Variants in FRMPD4 observed in about 807,000 individuals in gnomAD.
FRMPD4 encodes FERM and PDZ domain-containing protein 4.
FRMPD4 carries 22 observed loss-of-function variants against 94.1 expected under a neutral mutation model. That is an observed-to-expected ratio of 0.23 (90% CI 0.17 to 0.33). The LOEUF is 0.33. Among genes scored for constraint, FRMPD4 ranks in the 10% least tolerant of loss-of-function variants. FRMPD4 has a pLI of 1.00. For missense variants in FRMPD4, 1,111 were observed against 1,339.9 expected (o/e 0.83, Z 2.67); for synonymous variants, 631 against 548.6 (o/e 1.15, Z -2.10).
chrX:12,315,148 A>C (rs1013609158), intron 1 of FRMPD4, among the ~76,000 whole-genome samples: 1 of 112,181 alleles, frequency 8.9e-6, no homozygotes, highest in Non-Finnish European at 1.9e-5. Flanking sequence ...TCTAGATTTA[A>C]CAGTTATAAA....
At chrX:12,355,193 T>TTA (rs1555955648) in intron 1 of FRMPD4, among the ~76,000 whole-genome samples, 1 of 109,540 alleles carries the variant, frequency 9.1e-6, no homozygotes, top group Admixed American at 9.7e-5. Flanking sequence ...TTTTTTTTTT[T>TTA]TATATAAGAT....
chrX:12,005,996 T>C (rs1251659352), intron 3 of FRMPD4, among the ~76,000 whole-genome samples: 7 of 107,781 alleles, frequency 6.5e-5, no homozygotes. Flanking sequence ...GAGAAAATTT[T>C]CAGGCTTTAA....
At chrX:11,963,210 G>A (rs1225054634) in intron 3 of FRMPD4, among the ~76,000 whole-genome samples, 1 of 112,378 alleles carries the variant, frequency 8.9e-6, no homozygotes, top group African/African-American at 3.2e-5. Flanking sequence ...CATGGAGAGG[G>A]CTGGAGCCAC....
intron 1 of FRMPD4, among the ~76,000 whole-genome samples, chrX:12,196,783 A>T (rs192043282): frequency 3.5e-4 from 39 of 110,285 alleles, no homozygotes; most frequent in Non-Finnish European, 6.4e-4. Flanking sequence ...CCAGGTAAGG[A>T]TAGAGGACAA....
At chrX:12,129,737 C>T (rs868086804) in intron 3 of FRMPD4, among the ~76,000 whole-genome samples, 1 of 111,684 alleles carries the variant, frequency 9.0e-6, no homozygotes, top group Non-Finnish European at 1.9e-5. Flanking sequence ...CTTCTACTTC[C>T]AGTTTTCTGG....
At chrX:12,109,571 A>G (rs1262320573) in intron 3 of FRMPD4, among the ~76,000 whole-genome samples, 8 of 111,865 alleles carry the variant, frequency 7.2e-5, no homozygotes, top group Non-Finnish European at 1.5e-4. Flanking sequence ...AATAACTAAG[A>G]TCAGAGCAGA....
intron 3 of FRMPD4, among the ~76,000 whole-genome samples, chrX:11,903,055 A>G (rs1196823053): frequency 1.8e-5 from 2 of 112,299 alleles, no homozygotes; most frequent in Admixed American, 1.9e-4. Flanking sequence ...TGAGGAAGGC[A>G]GAGTTTGGCA....
At chrX:12,638,760 A>T (rs1341323728) in intron 4 of FRMPD4, among the ~76,000 whole-genome samples, 1 of 111,119 alleles carries the variant, frequency 9.0e-6, no homozygotes, top group South Asian at 3.9e-4. Context: ...TTCTACTGCC[A>T]GTTAGTATTA....
At position 12,707,474 on chromosome X, in the gene FRMPD4, A is replaced by G; in HGVS notation, c.1293A>G (p.Ala431=). 1 of 1,193,546 alleles carries G rather than the reference A, an allele frequency of 8.4e-7. No individual in the cohort carries two copies. The highest frequency in any genetic ancestry group is 1.1e-6 in the Non-Finnish European group (1 of 886,828). ...GRVFKATLVQ[A]EKRSEVTLLV... ...TGTCAACTTCTCTTTCTCAGCAGGC[A>G]GAAAAGCGCTCGGAAGTGACTCTCC... The change falls in exon 13 of 17, where the codon GCA becomes GCG. Residue 431 remains alanine, a synonymous_variant. Coordinates refer to ENST00000675598, the MANE Select transcript of FRMPD4 (RefSeq NM_001368397.1).
intron 3 of FRMPD4, among the ~76,000 whole-genome samples, chrX:12,102,000 T>C (rs1056727902): frequency 3.6e-5 from 4 of 112,043 alleles, no homozygotes; most frequent in African/African-American, 1.3e-4. Context: ...TCACAGCAAA[T>C]AGTGTTCACA....
chrX:11,841,886 A>T (rs1217692774), intron 1 of FRMPD4, among the ~76,000 whole-genome samples: 39 of 109,716 alleles, frequency 3.6e-4, no homozygotes, highest in African/African-American at 1.2e-3. Flanking sequence ...TTTAGGTCTA[A>T]CGTTTAAGTC....
intron 3 of FRMPD4, among the ~76,000 whole-genome samples, chrX:11,896,556 C>T: frequency 8.9e-6 from 1 of 112,209 alleles, no homozygotes; most frequent in East Asian, 2.8e-4. Context: ...CTTCATTAGA[C>T]ACCAAATCTG....
intron 1 of FRMPD4, among the ~76,000 whole-genome samples, chrX:12,382,820 ATTGT>A (rs113816617): frequency 1.8e-5 from 2 of 111,987 alleles, no homozygotes; most frequent in East Asian, 5.6e-4. Flanking sequence ...ATATGTGTTA[ATTGT>A]TTGTTAAACA....
chrX:12,694,751 C>T (rs892941544), intron 9 of FRMPD4, among the ~76,000 whole-genome samples: 3 of 112,082 alleles, frequency 2.7e-5, no homozygotes, highest in Non-Finnish European at 3.8e-5. Context: ...TCTGCCCACA[C>T]AAATACACAT....
intron 1 of FRMPD4, among the ~76,000 whole-genome samples, chrX:12,282,863 C>T (rs939587580): frequency 4.5e-5 from 5 of 110,635 alleles, no homozygotes; most frequent in Non-Finnish European, 9.4e-5. Context: ...ATGAGGAGGT[C>T]CAGAAATTTC....
At chrX:12,511,116 G>C (rs781083755) in intron 2 of FRMPD4, among the ~76,000 whole-genome samples, 1 of 111,798 alleles carries the variant, frequency 8.9e-6, no homozygotes, top group Non-Finnish European at 1.9e-5. Context: ...AGAATCTATC[G>C]CGGAGCTAAT....
intron 2 of FRMPD4, among the ~76,000 whole-genome samples, chrX:11,877,734 A>G (rs999388136): frequency 8.9e-6 from 1 of 112,273 alleles, no homozygotes; most frequent in Non-Finnish European, 1.9e-5. Context: ...ATTGTTTAAG[A>G]ATATCTGGTT....
chrX:12,117,689 C>T (rs1050010849), intron 3 of FRMPD4, among the ~76,000 whole-genome samples: 4 of 112,133 alleles, frequency 3.6e-5, no homozygotes, highest in African/African-American at 1.3e-4. Context: ...CATGGTCCAG[C>T]GTGTTCCCTC....
chrX:11,968,722 A>G (rs2054324927), intron 3 of FRMPD4, among the ~76,000 whole-genome samples: 1 of 111,195 alleles, frequency 9.0e-6, no homozygotes, highest in African/African-American at 3.3e-5. Context: ...TTCTTCTTAC[A>G]CCATAGGGTC....
Sources: gnomAD v4.1 joint callset for allele counts (sites outside exome capture counted in the v4.1 genomes callset) on GRCh38, gnomAD v4.1.1 for gene constraint, MANE v1.5 for transcripts, NCBI Gene and HGNC (gene_info 2026-07-23, HGNC 2026-07-21) for gene names.